ZMYM4: variants seen among roughly 807,000 people sequenced by gnomAD.
The protein encoded by ZMYM4 is zinc finger MYM-type containing 4.
A neutral mutation model predicts 183.2 loss-of-function variants in ZMYM4; 31 were observed. The ratio of observed to expected loss-of-function variants is 0.17; its 90% CI spans 0.13 to 0.23. ZMYM4 has a LOEUF of 0.23. Ranked by LOEUF, ZMYM4 falls within the 10% of genes least tolerant of loss-of-function variation. ZMYM4 has a pLI of 1.00. For synonymous variants in ZMYM4, 592 were observed against 631.2 expected (o/e 0.94, Z 0.93); for missense variants, 1,273 against 1,840.3 (o/e 0.69, Z 5.64).
chr1:35,283,940 A>G (rs112719986), intron 1 of ZMYM4, among the ~76,000 whole-genome samples: 1,939 of 151,566 alleles, frequency 0.013, 49 homozygotes, highest in African/African-American at 0.045. Context: ...CCCTCACGAT[A>G]GTGGCCTTGA....
At chr1:35,273,732 A>G (rs957498535) in intron 1 of ZMYM4, among the ~76,000 whole-genome samples, 1 of 152,176 alleles carries the variant, frequency 6.6e-6, no homozygotes, top group African/African-American at 2.4e-5. Context: ...ATATGCTTGT[A>G]CATGTATGAA....
intron 1 of ZMYM4, among the ~76,000 whole-genome samples, chr1:35,290,596 A>T (rs1405618161): frequency 6.6e-6 from 1 of 151,340 alleles, no homozygotes; most frequent in Non-Finnish European, 1.5e-5. Flanking sequence ...TGCCTGGCTC[A>T]TTTTTCATTT....
intron 7 of ZMYM4, chr1:35,370,993 T>C: frequency 5.9e-6 from 1 of 170,074 alleles, no homozygotes; most frequent in East Asian, 1.6e-4. Flanking sequence ...ACAAATATTT[T>C]AAGTTATATT....
rs374795288 is a variant in ZMYM4 at position 35,410,778 on chromosome 1, C to T, written c.3948+2619C>T. Among the ~76,000 whole-genome samples the T allele has an allele frequency of 1.5e-4, 23 of 152,184 alleles. No homozygotes were observed. In the East Asian group the frequency reaches 4.3e-3, roughly 28 times the overall value. On this transcript the variant is annotated intron_variant, in intron 26 of 29. Transcript: ENST00000314607. ...GTGCTGGCTTTACTGGCATGAGCCA[C>T]TGTGCCCGGCCAAATTTTTTTTATT...
At chr1:35,372,746 C>G (rs1274069326) in intron 7 of ZMYM4, among the ~76,000 whole-genome samples, 1 of 152,182 alleles carries the variant, frequency 6.6e-6, no homozygotes, top group South Asian at 2.1e-4. Context: ...ATCTGAAAAT[C>G]TGAAATTTAA....
intron 1 of ZMYM4, among the ~76,000 whole-genome samples, chr1:35,274,616 T>TTAA (rs1384583861): frequency 7.4e-6 from 1 of 134,640 alleles, no homozygotes; most frequent in African/African-American, 3.0e-5. Flanking sequence ...TTTTTTTTTT[T>TTAA]AAAAAAAAAA....
chr1:35,390,122 A>G (rs756658350), intron 15 of ZMYM4, 24 bp downstream of exon 15: 13 of 1,607,136 alleles, frequency 8.1e-6, no homozygotes, highest in Middle Eastern at 3.3e-4. Context: ...TAGGTACTGA[A>G]TGGAGTCTTT....
intron 1 of ZMYM4, among the ~76,000 whole-genome samples, chr1:35,282,979 G>GTTTTTT (rs1452098602): frequency 1.4e-4 from 6 of 43,270 alleles, no homozygotes; most frequent in Admixed American, 7.6e-4. Flanking sequence ...CTGTGTGTGT[G>GTTTTTT]GTTTTTTTTT....
In ZMYM4 at chr1:35,385,462, G is replaced by T; in HGVS notation, c.1590G>T (p.Pro530=). The T allele has an allele frequency of 6.2e-7, 1 of 1,611,380 alleles. No homozygotes were observed. Among genetic ancestry groups the T allele is most frequent in the Non-Finnish European group, 8.5e-7 (1 of 1,179,352 alleles). ...AYKQKSAKIT[P]CALCKSLRSS... The stretch of plus-strand genomic sequence containing the variant: ...AATAGAAATCAGCCAAAATTACACC[G>T]TGTGCGCTTTGCAAATCATTGAGAT... Residue 530 remains proline (P), a synonymous_variant, in exon 10 of 30, where the codon CCG becomes CCT. Coordinates refer to ENST00000314607, the MANE Select transcript of ZMYM4 (RefSeq NM_005095.3).
chr1:35,342,435 A>G (rs1300448151), intron 2 of ZMYM4, among the ~76,000 whole-genome samples: 1 of 152,104 alleles, frequency 6.6e-6, no homozygotes, highest in Non-Finnish European at 1.5e-5. Flanking sequence ...TTCTGGGATT[A>G]CACTGCTCTT....
At chr1:35,348,155 A>G (rs1643468052) in intron 2 of ZMYM4, among the ~76,000 whole-genome samples, 1 of 152,256 alleles carries the variant, frequency 6.6e-6, no homozygotes. Context: ...CTTCAAAGTC[A>G]TAATTTTTAA....
At chr1:35,369,097 C>T (rs1045796826) in intron 5 of ZMYM4, among the ~76,000 whole-genome samples, 1 of 151,784 alleles carries the variant, frequency 6.6e-6, no homozygotes, top group African/African-American at 2.4e-5. Context: ...AGTAATGTGC[C>T]GACAACTCCC....
intron 1 of ZMYM4, among the ~76,000 whole-genome samples, chr1:35,285,116 G>T (rs575036889): frequency 6.6e-6 from 1 of 151,866 alleles, no homozygotes; most frequent in Non-Finnish European, 1.5e-5. Context: ...GGAAGTAGGA[G>T]TCCTCAAGTT....
intron 5 of ZMYM4, among the ~76,000 whole-genome samples, chr1:35,365,040 A>G (rs1014269743): frequency 1.3e-5 from 2 of 152,126 alleles, no homozygotes; most frequent in East Asian, 1.9e-4. Context: ...GCATGTTTCT[A>G]TAATGTTTTC....
chr1:35,352,386 G>GCACGCACA (rs1553171662), intron 2 of ZMYM4, among the ~76,000 whole-genome samples: 3 of 128,394 alleles, frequency 2.3e-5, no homozygotes, highest in East Asian at 4.6e-4. Flanking sequence ...AAAAATTAGC[G>GCACGCACA]CACACACACA....
intron 1 of ZMYM4, among the ~76,000 whole-genome samples, chr1:35,277,047 G>A (rs980367902): frequency 6.6e-6 from 1 of 152,128 alleles, no homozygotes; most frequent in Admixed American, 6.6e-5. Context: ...TATTTAACAT[G>A]TTCCTTTACC....
chr1:35,417,025 T>A (rs1299309493), intron 28 of ZMYM4, among the ~76,000 whole-genome samples: 1 of 151,772 alleles, frequency 6.6e-6, no homozygotes, highest in Non-Finnish European at 1.5e-5. Flanking sequence ...AATGGGTGAG[T>A]TTTGTTAAAG....
At chr1:35,408,649 A>T (rs886522665) in intron 26 of ZMYM4, among the ~76,000 whole-genome samples, 1 of 152,188 alleles carries the variant, frequency 6.6e-6, no homozygotes, top group South Asian at 2.1e-4. Context: ...AGGCAGGAGG[A>T]TCACCTCAGC....
At chr1:35,271,849 C>A (rs1219238702) in intron 1 of ZMYM4, among the ~76,000 whole-genome samples, 1 of 152,106 alleles carries the variant, frequency 6.6e-6, no homozygotes, top group African/African-American at 2.4e-5. Flanking sequence ...TTCTAGTCCT[C>A]GCTATTCAGA....
Sources: allele counts gnomAD v4.1 joint callset (sites outside exome capture counted in the v4.1 genomes callset), GRCh38; gene constraint gnomAD v4.1.1; transcripts MANE v1.5; gene names NCBI Gene and HGNC (gene_info 2026-07-23, HGNC 2026-07-21).